Variants in SPMIP11 observed in about 807,000 individuals in gnomAD.
The protein encoded by SPMIP11 is long intergenic non-protein coding RNA 935.
chr12:48,768,858 G>T, the SPMIP11 span: 1 of 1,554,934 alleles, frequency 6.4e-7, no homozygotes, highest in African/African-American at 1.4e-5. Flanking sequence ...CCCTACCCCT[G>T]TCCTAGCAGA....
the SPMIP11 span, among the ~76,000 whole-genome samples, chr12:48,763,973 C>T: frequency 2.7e-5 from 4 of 150,544 alleles, no homozygotes; most frequent in Admixed American, 6.6e-5. Flanking sequence ...CCACCTCACT[C>T]GGCCAAAAGT....
the SPMIP11 span, among the ~76,000 whole-genome samples, chr12:48,770,063 A>AT: frequency 0.15 from 17,007 of 112,858 alleles, 1,457 homozygotes; most frequent in African/African-American, 0.2. Flanking sequence ...GCCCGGCCTA[A>AT]TTTTTTTTTT....
chr12:48,756,676 T>C, the SPMIP11 span, among the ~76,000 whole-genome samples: 2 of 151,766 alleles, frequency 1.3e-5, no homozygotes, highest in Non-Finnish European at 1.5e-5. Flanking sequence ...TCCATAATCA[T>C]GAAAAATAAA....
the SPMIP11 span, among the ~76,000 whole-genome samples, chr12:48,736,721 A>C: frequency 7.0e-6 from 1 of 141,900 alleles, no homozygotes. Context: ...TTCTTGGCTT[A>C]CTCCCTCCTG....
the SPMIP11 span, among the ~76,000 whole-genome samples, chr12:48,728,267 A>T: frequency 6.6e-6 from 1 of 152,174 alleles, no homozygotes; most frequent in African/African-American, 2.4e-5. Flanking sequence ...TTAAATATGG[A>T]ATGTTCTAGA....
At chr12:48,754,116 TG>T in the SPMIP11 span, among the ~76,000 whole-genome samples, 2 of 151,964 alleles carry the variant, frequency 1.3e-5, no homozygotes, top group Non-Finnish European at 2.9e-5. Context: ...AAATGTACCT[TG>T]GGGCAGAGTG....
chr12:48,755,172 G>A, the SPMIP11 span, among the ~76,000 whole-genome samples: 1 of 152,078 alleles, frequency 6.6e-6, no homozygotes, highest in African/African-American at 2.4e-5. Context: ...TTGGAGGGAT[G>A]GAACATCCAC....
the SPMIP11 span, among the ~76,000 whole-genome samples, chr12:48,735,844 A>G: frequency 6.6e-6 from 1 of 152,122 alleles, no homozygotes; most frequent in African/African-American, 2.4e-5. Context: ...AGATCATGCC[A>G]TTGCACTCCA....
the SPMIP11 span, among the ~76,000 whole-genome samples, chr12:48,744,796 G>GGAAAGAAGAAGAAAAAGGAAGAAGAAGAA: frequency 7.0e-6 from 1 of 143,582 alleles, no homozygotes; most frequent in Non-Finnish European, 1.5e-5. Context: ...GAGGAGGAGG[G>GGAAAGAAGAAGAAAAAGGAAGAAGAAGAA]GAAAGAAGAA....
At chr12:48,762,047 CT>C in the SPMIP11 span, among the ~76,000 whole-genome samples, 75 of 78,184 alleles carry the variant, frequency 9.6e-4, no homozygotes, top group East Asian at 4.5e-3. Flanking sequence ...TTATAACATT[CT>C]TTTTTTTTTT....
the SPMIP11 span, among the ~76,000 whole-genome samples, chr12:48,746,360 C>CTTTTTTT: frequency 1.1e-4 from 11 of 101,234 alleles, no homozygotes; most frequent in East Asian, 2.6e-4. Flanking sequence ...ACTATAATTC[C>CTTTTTTT]TTTTTTTTTT....
At chr12:48,732,131 AGAGT>A in the SPMIP11 span, among the ~76,000 whole-genome samples, 1 of 150,550 alleles carries the variant, frequency 6.6e-6, no homozygotes, top group South Asian at 2.1e-4. Context: ...CCTGGGCGAT[AGAGT>A]AAGATTGTCT....
the SPMIP11 span, among the ~76,000 whole-genome samples, chr12:48,728,137 C>T: frequency 1.3e-5 from 2 of 152,160 alleles, no homozygotes; most frequent in Non-Finnish European, 2.9e-5. Flanking sequence ...TTGTTAAGCA[C>T]CAGGCTTTAT....
At chr12:48,739,756 C>T in the SPMIP11 span, among the ~76,000 whole-genome samples, 1 of 152,152 alleles carries the variant, frequency 6.6e-6, no homozygotes, top group Admixed American at 6.6e-5. Context: ...AGTGGGAAAT[C>T]TGACCCCATG....
the SPMIP11 span, chr12:48,768,790 T>G: frequency 6.3e-7 from 1 of 1,579,438 alleles, no homozygotes; most frequent in Non-Finnish European, 8.6e-7. Flanking sequence ...AGGGGTTCTC[T>G]AGTCAGGCTA....
the SPMIP11 span, among the ~76,000 whole-genome samples, chr12:48,733,183 TC>T: frequency 2.7e-5 from 4 of 148,658 alleles, no homozygotes; most frequent in East Asian, 6.4e-4. Context: ...CAAACAATTC[TC>T]CTGCCTCAGC....
chr12:48,768,834 C>A, the SPMIP11 span: 2 of 1,552,822 alleles, frequency 1.3e-6, no homozygotes, highest in African/African-American at 1.4e-5. Context: ...CCACCATACA[C>A]AGAACACTAG....
chr12:48,727,929 T>C, the SPMIP11 span, among the ~76,000 whole-genome samples: 10 of 151,958 alleles, frequency 6.6e-5, no homozygotes, highest in Admixed American at 5.3e-4. Flanking sequence ...TGCATGCCTG[T>C]GGTCCTAGCT....
the SPMIP11 span, among the ~76,000 whole-genome samples, chr12:48,735,084 G>T: frequency 4.0e-5 from 6 of 151,622 alleles, no homozygotes; most frequent in East Asian, 1.2e-3. Context: ...CGGCCTTTAG[G>T]AGCTGAGAGT....
Sources: allele counts gnomAD v4.1 joint callset (sites outside exome capture counted in the v4.1 genomes callset), GRCh38; gene constraint gnomAD v4.1.1; transcripts MANE v1.5; gene names NCBI Gene and HGNC (gene_info 2026-07-23, HGNC 2026-07-21).